SH3RF2: variants seen among roughly 807,000 people sequenced by gnomAD.
The protein encoded by SH3RF2 is SH3 domain containing ring finger 2.
SH3RF2 carries 43 observed loss-of-function variants against 59.0 expected under a neutral mutation model. That is an observed-to-expected ratio of 0.73 (90% CI 0.57 to 0.94). The LOEUF (loss-of-function observed/expected upper bound fraction) is 0.94. SH3RF2 is among the 40% of genes least tolerant of loss of function. The pLI, the probability that SH3RF2 is intolerant of heterozygous loss-of-function variation, is 0.00. For missense variants in SH3RF2, 930 were observed against 940.1 expected, an observed-to-expected ratio of 0.99 and a Z score of 0.14; for synonymous variants, 391 against 391.5, an observed-to-expected ratio of 1.00 and a Z score of 0.01.
chr5:146,059,920 C>T lies in SH3RF2; in HGVS notation c.1610C>T (p.Ser537Phe), dbSNP rs752821108. The change falls in exon 9 of 10, where the codon TCC becomes TTC. Residue 537 changes from serine (S) to phenylalanine (F), a missense_variant. Ser to Phe is a radical substitution (Grantham distance 155, BLOSUM62 -2). Coordinates refer to ENST00000359120, the MANE Select transcript of SH3RF2 (RefSeq NM_152550.4). ...GGGATCCCCACTCTCGTGGTAGGCT[C>T]CCTCAGACGCAGCCCCACCATGGTC... Reference protein sequence around the residue: ...QSGIPTLVVGSLRRSPTMVLR... With the variant: ...QSGIPTLVVGFLRRSPTMVLR... 6.6e-7 allele frequency: 1 copy of T among 1,507,298 alleles called. No homozygotes were observed. The highest frequency in any genetic ancestry group is 2.4e-5 in the East Asian group (1 of 42,340). 93.4% of individuals were successfully genotyped at this position (1,507,298 alleles called of 1,614,324 possible). A position where few individuals can be genotyped will look rare whatever the true frequency, so the allele number is the denominator to read the frequency against.
rs141868104 is a variant in SH3RF2 at position 146,036,599 on chromosome 5, G to A, written c.1060-11173G>A. 7.9e-4 allele frequency among the ~76,000 whole-genome samples: 121 copies of A among 152,240 alleles called. 1 individual carries two copies. Among genetic ancestry groups the A allele is most frequent in the African/African-American group, 2.7e-3 (114 of 41,540 alleles). On this transcript the variant is annotated intron_variant, in intron 5 of 9. Transcript: ENST00000359120. ...AATCCCAGCTATTCTGGAGGCTGAG[G>A]CACGAGAATTGCTGGAACATGGCAG...
intron 2 of SH3RF2, among the ~76,000 whole-genome samples, chr5:145,978,690 A>G (rs922700760): frequency 6.6e-6 from 1 of 151,720 alleles, no homozygotes; most frequent in African/African-American, 2.4e-5. Flanking sequence ...TTAAGGAAAA[A>G]AAAAAAAAGA....
chr5:145,975,051 T>A (rs1759235461), intron 2 of SH3RF2, among the ~76,000 whole-genome samples: 1 of 152,202 alleles, frequency 6.6e-6, no homozygotes, highest in African/African-American at 2.4e-5. Flanking sequence ...AGCCAAGCTA[T>A]GTCCAGAACC....
At chr5:145,976,680 A>G (rs1243090554) in intron 2 of SH3RF2, among the ~76,000 whole-genome samples, 2 of 152,234 alleles carry the variant, frequency 1.3e-5, no homozygotes, top group Admixed American at 6.5e-5. Flanking sequence ...CCTAGACCAT[A>G]TTGACCAGAA....
chr5:145,949,191 T>C (rs144923884), intron 2 of SH3RF2, among the ~76,000 whole-genome samples: 1 of 151,986 alleles, frequency 6.6e-6, no homozygotes, highest in Non-Finnish European at 1.5e-5. Context: ...TCGGAGGTAA[T>C]TGGGAGGTGA....
intron 2 of SH3RF2, among the ~76,000 whole-genome samples, chr5:145,949,308 T>C (rs2149944595): frequency 6.6e-6 from 1 of 152,312 alleles, no homozygotes; most frequent in Middle Eastern, 3.4e-3. Flanking sequence ...GAATTAAGAA[T>C]GATATCGCTG....
At chr5:145,984,468 T>C (rs1180122321) in intron 2 of SH3RF2, among the ~76,000 whole-genome samples, 4 of 152,234 alleles carry the variant, frequency 2.6e-5, no homozygotes, top group African/African-American at 4.8e-5. Flanking sequence ...TAAAACCTTA[T>C]GGAAAAGAGA....
intron 2 of SH3RF2, among the ~76,000 whole-genome samples, chr5:145,996,145 T>C (rs762085483): frequency 1.1e-4 from 16 of 152,322 alleles, no homozygotes; most frequent in Admixed American, 1.3e-4. Flanking sequence ...TGTTGGGTCT[T>C]ATCTCTACCA....
At position 146,049,116 on chromosome 5, in the gene SH3RF2, A is replaced by T; in HGVS notation, c.1193A>T (p.Glu398Val). The change falls in exon 7 of 10, where the codon GAG (glutamate) becomes GTG (valine). Residue 398 changes from glutamate (E) to valine (V), a missense_variant. Glu to Val is a moderately radical substitution (Grantham distance 121). Coordinates refer to ENST00000359120, the MANE Select transcript of SH3RF2 (RefSeq NM_152550.4). Reference protein sequence around the residue: ...LHSYSAHGPDELDLQKGEGVR... With the variant: ...LHSYSAHGPDVLDLQKGEGVR... ...TCCTACTCAGCCCATGGACCCGATGAGCTGGACCTGCAAAAGGGAGAAGGC... is the reference window on the plus strand; with the variant it reads ...TCCTACTCAGCCCATGGACCCGATGTGCTGGACCTGCAAAAGGGAGAAGGC... 6.2e-7 allele frequency: 1 copy of T among 1,614,030 alleles called. No individual in the cohort carries two copies.
chr5:145,992,885 GC>G (rs1294586263), intron 2 of SH3RF2, among the ~76,000 whole-genome samples: 1 of 151,632 alleles, frequency 6.6e-6, no homozygotes, highest in Admixed American at 6.6e-5. Flanking sequence ...AACCAATCAT[GC>G]CTTCACAACA....
At chr5:146,057,358 C>T (rs1226518658) in intron 8 of SH3RF2, among the ~76,000 whole-genome samples, 1 of 152,190 alleles carries the variant, frequency 6.6e-6, no homozygotes, top group East Asian at 1.9e-4. Flanking sequence ...CTCCACCTCT[C>T]CCCACAACAC....
At chr5:146,000,673 GA>G (rs1207885484) in intron 3 of SH3RF2, among the ~76,000 whole-genome samples, 1 of 152,034 alleles carries the variant, frequency 6.6e-6, no homozygotes, top group East Asian at 1.9e-4. Flanking sequence ...AGAAACATTT[GA>G]AAATACAGAT....
At chr5:146,072,661 C>T (rs1208071392) in intron 9 of SH3RF2, among the ~76,000 whole-genome samples, 1 of 151,974 alleles carries the variant, frequency 6.6e-6, no homozygotes, top group Non-Finnish European at 1.5e-5. Flanking sequence ...CAGAGTGAGA[C>T]TCCATCTTAA....
chr5:146,000,022 GCT>G, intron 2 of SH3RF2, 34 bp from the exon 3 acceptor site: 1 of 1,601,946 alleles, frequency 6.2e-7, no homozygotes, highest in Non-Finnish European at 8.5e-7. Context: ...TAGACTCTAA[GCT>G]AAGTACATAT....
intron 4 of SH3RF2, among the ~76,000 whole-genome samples, chr5:146,009,408 T>C (rs1760784831): frequency 1.3e-5 from 2 of 152,110 alleles, no homozygotes; most frequent in Admixed American, 1.3e-4. Context: ...CTTTCTTCTG[T>C]CTTTTTCTCA....
intron 2 of SH3RF2, among the ~76,000 whole-genome samples, chr5:145,996,274 AC>A (rs1378740270): frequency 6.6e-6 from 1 of 152,202 alleles, no homozygotes; most frequent in Non-Finnish European, 1.5e-5. Flanking sequence ...GAACAGCAAG[AC>A]TGCTACAATG....
At chr5:146,049,791 C>T (rs546526866) in intron 7 of SH3RF2, among the ~76,000 whole-genome samples, 19 of 152,260 alleles carry the variant, frequency 1.2e-4, no homozygotes, top group African/African-American at 4.6e-4. Context: ...TCCTCCCTCA[C>T]CGCTTTTCCC....
In SH3RF2 at chr5:146,013,808, A is replaced by T; in HGVS notation, c.806A>T (p.Lys269Ile). 6.2e-7 allele frequency: 1 copy of T among 1,614,128 alleles called. No homozygotes were observed. Among genetic ancestry groups the T allele is most frequent in the Non-Finnish European group, 8.5e-7 (1 of 1,180,000 alleles). The change falls in exon 5 of 10, where the codon AAA (lysine) becomes ATA (isoleucine). Residue 269 changes from lysine (K) to isoleucine (I), a missense_variant. Lys to Ile is a moderately radical substitution (Grantham distance 102). Coordinates refer to ENST00000359120, the MANE Select transcript of SH3RF2 (RefSeq NM_152550.4). ...AAAGGTCGCCAGTCATCCCGCACAA[A>T]AAACCTGTCCCTGGTGTCCTCGTCC... ...KNKGRQSSRTKNLSLVSSSSR... is the reference protein window; with the variant it reads ...KNKGRQSSRTINLSLVSSSSR...
At chr5:145,988,321 T>TGACC (rs1284027294) in intron 2 of SH3RF2, among the ~76,000 whole-genome samples, 1 of 151,472 alleles carries the variant, frequency 6.6e-6, no homozygotes. Flanking sequence ...CTATCTCGTG[T>TGACC]GACCCAAGGC....
Sources: allele counts gnomAD v4.1 joint callset (sites outside exome capture counted in the v4.1 genomes callset), GRCh38; gene constraint gnomAD v4.1.1; transcripts MANE v1.5; gene names NCBI Gene and HGNC (gene_info 2026-07-23, HGNC 2026-07-21).